ITGA8: variants seen among roughly 807,000 people sequenced by gnomAD.
The protein encoded by ITGA8 is integrin alpha-8.
ITGA8 carries 91 observed loss-of-function variants against 142.3 expected under a neutral mutation model. The observed-to-expected ratio is 0.64, with a 90% CI of 0.54 to 0.76. ITGA8 has a LOEUF of 0.76. Among genes scored for constraint, ITGA8 ranks in the 30% least tolerant of loss-of-function variants. The pLI is 0.00. For synonymous variants in ITGA8, 505 were observed against 485.2 expected, an observed-to-expected ratio of 1.04 and a Z score of -0.54; for missense variants, 1,406 against 1,327.7, an observed-to-expected ratio of 1.06 and a Z score of -0.92.
chr10:15,553,729 G>T (rs926566709), intron 26 of ITGA8, among the ~76,000 whole-genome samples: 4 of 152,158 alleles, frequency 2.6e-5, no homozygotes, highest in African/African-American at 7.2e-5. Context: ...AGCTGGGCAT[G>T]GTGGCTCACA....
At chr10:15,676,415 A>G (rs949066718) in intron 6 of ITGA8, among the ~76,000 whole-genome samples, 1 of 152,146 alleles carries the variant, frequency 6.6e-6, no homozygotes, top group Non-Finnish European at 1.5e-5. Context: ...TGGTCAGAGG[A>G]CAAAACACAC....
intron 25 of ITGA8, among the ~76,000 whole-genome samples, chr10:15,560,122 A>T (rs529924319): frequency 4.7e-5 from 7 of 149,106 alleles, no homozygotes; most frequent in Admixed American, 1.3e-4. Flanking sequence ...ATTGCTAATT[A>T]AAAAAAAAAT....
intron 26 of ITGA8, among the ~76,000 whole-genome samples, chr10:15,554,747 C>CTTTCT (rs1554772023): frequency 2.7e-5 from 3 of 109,596 alleles, no homozygotes; most frequent in East Asian, 2.8e-4. Context: ...TTCTTTCTTT[C>CTTTCT]TTTTTTTTTT....
chr10:15,644,338 G>A (rs1163468703), intron 12 of ITGA8, 117 bp from the exon 13 acceptor site: 9 of 885,974 alleles, frequency 1.0e-5, no homozygotes, highest in African/African-American at 1.7e-5. Flanking sequence ...TGGGATCATG[G>A]CTCACCGCAG....
At chr10:15,665,694 T>A (rs190847053) in intron 8 of ITGA8, among the ~76,000 whole-genome samples, 68 of 152,354 alleles carry the variant, frequency 4.5e-4, no homozygotes, top group African/African-American at 1.5e-3. Context: ...AATTTTTGTA[T>A]AAGGTATAAG....
intron 27 of ITGA8, among the ~76,000 whole-genome samples, chr10:15,538,783 A>C (rs1031914458): frequency 6.6e-6 from 1 of 152,058 alleles, no homozygotes; most frequent in Non-Finnish European, 1.5e-5. Context: ...CAAAATAATT[A>C]AATGATAAAA....
At chr10:15,617,096 T>C (rs1833407928) in intron 13 of ITGA8, among the ~76,000 whole-genome samples, 1 of 152,234 alleles carries the variant, frequency 6.6e-6, no homozygotes, top group Non-Finnish European at 1.5e-5. Context: ...CATATTATAA[T>C]GATCTGAAAT....
chr10:15,699,176 C>T (rs1305248111), intron 2 of ITGA8, among the ~76,000 whole-genome samples: 2 of 152,124 alleles, frequency 1.3e-5, no homozygotes, highest in Non-Finnish European at 2.9e-5. Flanking sequence ...CTCAGCTACT[C>T]AGGAGGCTGA....
intron 26 of ITGA8, among the ~76,000 whole-genome samples, chr10:15,555,130 C>A (rs1049047046): frequency 3.3e-5 from 5 of 152,162 alleles, no homozygotes; most frequent in Admixed American, 6.5e-5. Flanking sequence ...TGGCTGATTT[C>A]ATTTATTCAT....
chr10:15,558,216 G>A lies in ITGA8; in HGVS notation c.2638-14C>T, dbSNP rs369329220. On this transcript the variant is annotated splice_polypyrimidine_tract_variant and intron_variant, in intron 25 of 29. Transcript: ENST00000378076. Reference sequence around the variant, plus strand: ...GGAGGCAGCAGGCTGCAAAAAGAAAGTGGGAGATACCACATTAAAAACACA... The same window carrying A: ...GGAGGCAGCAGGCTGCAAAAAGAAAATGGGAGATACCACATTAAAAACACA... 1.4e-5 allele frequency: 23 copies of A among 1,613,832 alleles called. No homozygotes were observed. The highest frequency in any genetic ancestry group is 1.8e-5 in the Non-Finnish European group (21 of 1,179,910).
chr10:15,612,600 C>G (rs954685160), intron 15 of ITGA8, among the ~76,000 whole-genome samples: 1 of 152,186 alleles, frequency 6.6e-6, no homozygotes, highest in African/African-American at 2.4e-5. Context: ...ATCTTGTACT[C>G]CCTCCAGATG....
intron 23 of ITGA8, among the ~76,000 whole-genome samples, chr10:15,585,245 G>C (rs1832802325): frequency 6.6e-6 from 1 of 152,166 alleles, no homozygotes; most frequent in Non-Finnish European, 1.5e-5. Context: ...TCATTTCTGA[G>C]CATGAGCTCT....
chr10:15,639,415 A>G (rs1310951181), intron 13 of ITGA8, among the ~76,000 whole-genome samples: 1 of 152,144 alleles, frequency 6.6e-6, no homozygotes, highest in Admixed American at 6.5e-5. Flanking sequence ...TCCCCATCTC[A>G]GAGTCAGTCA....
At chr10:15,665,728 T>C (rs1232327243) in intron 8 of ITGA8, among the ~76,000 whole-genome samples, 1 of 152,242 alleles carries the variant, frequency 6.6e-6, no homozygotes, top group African/African-American at 2.4e-5. Flanking sequence ...TTCAGCTTTC[T>C]ACATATGGCT....
At chr10:15,625,159 T>C (rs1302779839) in intron 13 of ITGA8, among the ~76,000 whole-genome samples, 1 of 152,188 alleles carries the variant, frequency 6.6e-6, no homozygotes, top group Admixed American at 6.5e-5. Flanking sequence ...AAATGAACTC[T>C]GAAGAAAAAC....
intron 2 of ITGA8, among the ~76,000 whole-genome samples, chr10:15,710,931 G>T (rs1835352176): frequency 6.6e-6 from 1 of 152,058 alleles, no homozygotes; most frequent in Non-Finnish European, 1.5e-5. Flanking sequence ...ACTGATACAG[G>T]GTTTTTTGCA....
intron 19 of ITGA8, 71 bp downstream of exon 19, chr10:15,605,652 TC>T: frequency 8.0e-7 from 1 of 1,247,842 alleles, no homozygotes; most frequent in Non-Finnish European, 1.2e-6. Flanking sequence ...GTATACTTTC[TC>T]CAGAGAACCT....
intron 2 of ITGA8, 103 bp from the exon 3 acceptor site, chr10:15,688,141 C>A: frequency 1.3e-6 from 1 of 764,778 alleles, no homozygotes; most frequent in Non-Finnish European, 2.2e-6. Flanking sequence ...AATACCAATC[C>A]TTGTCAAACT....
At chr10:15,604,540 C>A (rs1833159202) in intron 19 of ITGA8, among the ~76,000 whole-genome samples, 185 bp from the exon 20 acceptor site, 1 of 146,344 alleles carries the variant, frequency 6.8e-6, no homozygotes, top group South Asian at 2.2e-4. Context: ...CAGGAAAACA[C>A]CCAGTAGTGT....
Sources: gnomAD v4.1 joint callset for allele counts (sites outside exome capture counted in the v4.1 genomes callset) on GRCh38, gnomAD v4.1.1 for gene constraint, MANE v1.5 for transcripts, NCBI Gene and HGNC (gene_info 2026-07-23, HGNC 2026-07-21) for gene names.